ADGRD1: variants seen among roughly 807,000 people sequenced by gnomAD.
The protein encoded by ADGRD1 is G-protein coupled receptor 133.
Under a neutral mutation model 113.4 loss-of-function variants are expected in ADGRD1, and 77 were observed. The ratio of observed to expected loss-of-function variants is 0.68; its 90% CI spans 0.57 to 0.82. The LOEUF (loss-of-function observed/expected upper bound fraction) is 0.82. Ranked by LOEUF, ADGRD1 falls within the 40% of genes least tolerant of loss-of-function variation. The pLI is 0.00. For synonymous variants in ADGRD1, 474 were observed against 475.0 expected, an observed-to-expected ratio of 1.00 and a Z score of 0.03; for missense variants, 1,036 against 1,139.1, an observed-to-expected ratio of 0.91 and a Z score of 1.30.
intron 17 of ADGRD1, among the ~76,000 whole-genome samples, chr12:131,107,341 G>GTCT (rs1950256763): frequency 7.9e-5 from 12 of 151,422 alleles, no homozygotes; most frequent in South Asian, 2.1e-4. Flanking sequence ...AGAGACCTGT[G>GTCT]GCTAAATCCC....
intron 13 of ADGRD1, among the ~76,000 whole-genome samples, chr12:131,049,126 T>C (rs1883131088): frequency 6.6e-6 from 1 of 152,200 alleles, no homozygotes; most frequent in South Asian, 2.1e-4. Flanking sequence ...CAGGCTCAGG[T>C]GCCTGCTCCT....
intron 13 of ADGRD1, among the ~76,000 whole-genome samples, chr12:131,040,487 C>T (rs1882011244): frequency 6.6e-6 from 1 of 152,204 alleles, no homozygotes; most frequent in Non-Finnish European, 1.5e-5. Flanking sequence ...ATATACTTAA[C>T]TATTAAACAA....
chr12:131,130,580 A>G (rs1950890776), intron 20 of ADGRD1, among the ~76,000 whole-genome samples: 1 of 152,240 alleles, frequency 6.6e-6, no homozygotes, highest in Non-Finnish European at 1.5e-5. Flanking sequence ...GGAAGGGCTC[A>G]CAGTGGAAAA....
intron 13 of ADGRD1, among the ~76,000 whole-genome samples, chr12:131,018,226 C>T (rs1462294328): frequency 1.3e-5 from 2 of 152,226 alleles, no homozygotes; most frequent in African/African-American, 4.8e-5. Flanking sequence ...CTCCAGCTCC[C>T]AGGAAGGCAG....
intron 21 of ADGRD1, among the ~76,000 whole-genome samples, chr12:131,134,200 C>G (rs4759850): frequency 0.36 from 54,776 of 152,106 alleles, 10,203 homozygotes; most frequent in South Asian, 0.51. Flanking sequence ...GGCTGTGGGG[C>G]CTGGAGACTC....
At chr12:131,119,637 C>G (rs1041018721) in intron 19 of ADGRD1, among the ~76,000 whole-genome samples, 3 of 152,166 alleles carry the variant, frequency 2.0e-5, no homozygotes, top group African/African-American at 7.2e-5. Context: ...TACCAGAAGC[C>G]CCTCGTCGAC....
At chr12:131,008,742 C>T (rs533333943) in intron 12 of ADGRD1, among the ~76,000 whole-genome samples, 6 of 152,328 alleles carry the variant, frequency 3.9e-5, no homozygotes, top group East Asian at 1.9e-4. Flanking sequence ...CAGCCAGCAC[C>T]GGGACAGCCG....
chr12:131,064,588 C>G (rs551062990), intron 13 of ADGRD1, among the ~76,000 whole-genome samples: 5 of 152,226 alleles, frequency 3.3e-5, no homozygotes, highest in African/African-American at 1.2e-4. Flanking sequence ...CTTCATGGGC[C>G]ATGTGAATAT....
intron 12 of ADGRD1, 123 bp downstream of exon 12, chr12:131,006,170 T>C: frequency 1.2e-6 from 1 of 856,280 alleles, no homozygotes; most frequent in Non-Finnish European, 1.9e-6. Flanking sequence ...TACCGGGCGC[T>C]TCACTGCTCG....
rs144882598 is a variant in ADGRD1 at position 131,014,202 on chromosome 12, C to G, written c.1335C>G (p.Ile445Met). The change falls in exon 13 of 25, where the codon ATC becomes ATG. Residue 445 changes from isoleucine to methionine, a missense_variant. By Grantham distance (10) the Ile-to-Met change is conservative (BLOSUM62 1). Transcript: ENST00000261654. ...ATGATTTCCGTCTCTTCCCAAGGAT[C>G]GCGGAGGCCATGCATCACCAGGACT... ...LNNIWPAHTK[I>M]AEAMHHQDCL... 4.3e-6 allele frequency: 7 copies of G among 1,613,654 alleles called. No individual in the cohort carries two copies. Among genetic ancestry groups the G allele is most frequent in the African/African-American group, 1.3e-5 (1 of 75,032 alleles).
intron 18 of ADGRD1, among the ~76,000 whole-genome samples, chr12:131,116,361 C>T (rs1223012830): frequency 6.6e-6 from 1 of 152,238 alleles, no homozygotes; most frequent in Non-Finnish European, 1.5e-5. Context: ...CTTTATTGCC[C>T]AGACATTCTG....
chr12:130,963,541 T>C (rs1284773342), intron 2 of ADGRD1, among the ~76,000 whole-genome samples: 1 of 152,168 alleles, frequency 6.6e-6, no homozygotes, highest in Non-Finnish European at 1.5e-5. Flanking sequence ...AAATAGCTCA[T>C]AGTGTACACA....
chr12:131,083,921 G>T (rs746774675), intron 14 of ADGRD1, among the ~76,000 whole-genome samples: 10 of 152,210 alleles, frequency 6.6e-5, no homozygotes, highest in Non-Finnish European at 1.2e-4. Context: ...CTCTGTGCCG[G>T]TCATAGCTGT....
intron 9 of ADGRD1, chr12:131,002,809 A>G (rs970356186): frequency 8.1e-7 from 1 of 1,234,590 alleles, no homozygotes; most frequent in Admixed American, 3.0e-5. Flanking sequence ...CCTGGGGGCG[A>G]TCAGCCCCTC....
intron 13 of ADGRD1, among the ~76,000 whole-genome samples, chr12:131,052,050 C>T (rs1458760414): frequency 6.6e-6 from 1 of 152,178 alleles, no homozygotes; most frequent in African/African-American, 2.4e-5. Flanking sequence ...CATAACCCTG[C>T]ATGGTGAGCT....
intron 13 of ADGRD1, among the ~76,000 whole-genome samples, chr12:131,043,018 G>A (rs910935203): frequency 3.3e-5 from 5 of 152,226 alleles, no homozygotes; most frequent in African/African-American, 1.2e-4. Context: ...CCTGGGCAGG[G>A]CCCAGCCTGG....
At chr12:131,122,696 C>T (rs1950627670) in intron 20 of ADGRD1, among the ~76,000 whole-genome samples, 1 of 152,216 alleles carries the variant, frequency 6.6e-6, no homozygotes, top group Non-Finnish European at 1.5e-5. Flanking sequence ...CCCTTTCTCT[C>T]TACTGACTTA....
At chr12:131,011,110 C>T (rs1160374380) in intron 12 of ADGRD1, among the ~76,000 whole-genome samples, 3 of 138,044 alleles carry the variant, frequency 2.2e-5, no homozygotes, top group African/African-American at 8.2e-5. Flanking sequence ...CCTGCCCCAC[C>T]CTGCCCCACC....
chr12:130,991,011 C>T lies in ADGRD1; in HGVS notation c.746-3C>T. 6.2e-7 allele frequency: 1 copy of T among 1,613,360 alleles called. No homozygotes were observed. The highest frequency in any genetic ancestry group is 1.1e-5 in the South Asian group (1 of 91,030). ...GTCCTTAATCCAGCATTGTTTCTTC[C>T]AGGAAAGCATGCTTTATTGTCTTCA... On this transcript the variant is annotated splice_region_variant and splice_polypyrimidine_tract_variant and intron_variant, in intron 6 of 24. Coordinates refer to ENST00000261654, the MANE Select transcript of ADGRD1 (RefSeq NM_198827.5).
Sources: allele counts gnomAD v4.1 joint callset (sites outside exome capture counted in the v4.1 genomes callset), GRCh38; gene constraint gnomAD v4.1.1; transcripts MANE v1.5; gene names NCBI Gene and HGNC (gene_info 2026-07-23, HGNC 2026-07-21).